Variants in CDH8 observed in about 807,000 individuals in gnomAD.
The protein encoded by CDH8 is cadherin-8.
CDH8 carries 17 observed loss-of-function variants against 68.1 expected under a neutral mutation model. That is an observed-to-expected ratio of 0.25 (90% confidence interval 0.17 to 0.37). The LOEUF (loss-of-function observed/expected upper bound fraction) is 0.37, where lower values mean the gene tolerates loss of function less well. Among genes scored for constraint, CDH8 ranks in the 10% least tolerant of loss-of-function variants. CDH8 has a pLI of 1.00. For missense variants in CDH8, 763 were observed against 999.3 expected, an observed-to-expected ratio of 0.76 and a Z score of 3.19; for synonymous variants, 372 against 365.1, an observed-to-expected ratio of 1.02 and a Z score of -0.21.
Position 61,649,715 on chromosome 16 carries a change from G to T in CDH8, c.*3893C>A, listed in dbSNP as rs1963277958. 1.3e-5 allele frequency: 2 copies of T among 152,024 alleles called. No homozygotes were observed. Among genetic ancestry groups the T allele is most frequent in the African/African-American group, 4.8e-5 (2 of 41,418 alleles). 9.4% of individuals were successfully genotyped at this position (152,024 alleles called of 1,614,324 possible). A position where few individuals can be genotyped will look rare whatever the true frequency, so the allele number is the denominator to read the frequency against. ...TCGTGAGATTCCCTGCAAAGCCAGTGATCGCATAATACAACTTGTTGGAAG... is the reference window on the plus strand; with the variant it reads ...TCGTGAGATTCCCTGCAAAGCCAGTTATCGCATAATACAACTTGTTGGAAG... On this transcript the variant is annotated 3_prime_UTR_variant, in exon 12 of 12. Coordinates refer to ENST00000577390, the MANE Select transcript of CDH8 (RefSeq NM_001796.5).
At chr16:62,031,795 G>A (rs1273730141) in intron 1 of CDH8, among the ~76,000 whole-genome samples, 1 of 151,960 alleles carries the variant, frequency 6.6e-6, no homozygotes, top group Non-Finnish European at 1.5e-5. Context: ...ATAAGAAAAA[G>A]AAACAGTATT....
At chr16:61,909,300 T>G (rs1964120400) in intron 2 of CDH8, among the ~76,000 whole-genome samples, 1 of 152,138 alleles carries the variant, frequency 6.6e-6, no homozygotes, top group African/African-American at 2.4e-5. Flanking sequence ...TGTGGACACC[T>G]GGAAAAAAGT....
At chr16:61,911,967 C>T (rs1964170007) in intron 2 of CDH8, among the ~76,000 whole-genome samples, 1 of 152,088 alleles carries the variant, frequency 6.6e-6, no homozygotes, top group African/African-American at 2.4e-5. Context: ...TATATCAGTG[C>T]TCTTTATGTT....
At chr16:62,004,726 A>G (rs1965945423) in intron 2 of CDH8, among the ~76,000 whole-genome samples, 1 of 152,244 alleles carries the variant, frequency 6.6e-6, no homozygotes, top group African/African-American at 2.4e-5. Context: ...TATACTTTAA[A>G]TAGTAAATTG....
At chr16:61,861,878 GCTTA>G (rs1963156558) in intron 3 of CDH8, among the ~76,000 whole-genome samples, 1 of 152,120 alleles carries the variant, frequency 6.6e-6, no homozygotes, top group East Asian at 1.9e-4. Context: ...GACACTACGA[GCTTA>G]CTGTCACTAT....
chr16:61,820,403 T>C (rs1303606024), intron 6 of CDH8, among the ~76,000 whole-genome samples: 2 of 146,354 alleles, frequency 1.4e-5, no homozygotes, highest in African/African-American at 2.6e-5. Context: ...TTGGGGAAGA[T>C]ATTTCAGGAA....
intron 8 of CDH8, among the ~76,000 whole-genome samples, chr16:61,781,936 G>A (rs1202561632): frequency 6.6e-6 from 1 of 152,184 alleles, no homozygotes. Flanking sequence ...GAAGAAAATA[G>A]TACTCCTAAG....
chr16:61,741,669 C>T (rs1037333912), intron 8 of CDH8, among the ~76,000 whole-genome samples: 2 of 152,080 alleles, frequency 1.3e-5, no homozygotes, highest in Admixed American at 1.3e-4. Context: ...TGAGCATTTT[C>T]TCTGCAGGCC....
chr16:61,894,282 C>T (rs930220282), intron 3 of CDH8, among the ~76,000 whole-genome samples: 12 of 152,130 alleles, frequency 7.9e-5, no homozygotes, highest in African/African-American at 2.9e-4. Flanking sequence ...AACAATTGTT[C>T]CACGGTCAGG....
chr16:61,898,467 T>C (rs764326361), intron 3 of CDH8, among the ~76,000 whole-genome samples: 3 of 152,138 alleles, frequency 2.0e-5, no homozygotes, highest in Admixed American at 6.5e-5. Context: ...AAAGTCATAT[T>C]GTAGGTAGGT....
chr16:61,871,814 GCAAAAAAAAAA>G (rs1567508569), intron 3 of CDH8, among the ~76,000 whole-genome samples: 1 of 18,818 alleles, frequency 5.3e-5, no homozygotes, highest in African/African-American at 1.9e-4. Flanking sequence ...TGTTCTATAT[GCAAAAAAAAAA>G]AAAAAAAAAA....
At chr16:61,886,376 T>C (rs1348170571) in intron 3 of CDH8, among the ~76,000 whole-genome samples, 2 of 152,248 alleles carry the variant, frequency 1.3e-5, no homozygotes, top group Non-Finnish European at 2.9e-5. Context: ...GGAAGAAAGA[T>C]GCTTTTATAT....
intron 7 of CDH8, among the ~76,000 whole-genome samples, chr16:61,808,486 C>T (rs1961857162): frequency 1.3e-5 from 2 of 152,148 alleles, no homozygotes; most frequent in Non-Finnish European, 1.5e-5. Context: ...AAAAGCTAGG[C>T]TGAGGAAGCC....
chr16:61,916,016 A>G (rs1964232991), intron 2 of CDH8, among the ~76,000 whole-genome samples: 2 of 152,212 alleles, frequency 1.3e-5, no homozygotes, highest in Non-Finnish European at 2.9e-5. Flanking sequence ...AAATACACAG[A>G]TAAAACCTTT....
rs1454989115 is a variant in CDH8, at chr16:61,813,130, TC to T, written c.1277+4348del. On this transcript the variant is annotated intron_variant, in intron 7 of 11. Coordinates refer to ENST00000577390, the MANE Select transcript of CDH8 (RefSeq NM_001796.5). ...TCACAGCATTTATACTCTGGTTAAT[TC>T]CACAGATTTGGTTTATTTTTCTTCT... Among the ~76,000 whole-genome samples, 3 of 152,288 alleles carry T rather than the reference TC, an allele frequency of 2.0e-5. No individual in the cohort carries two copies. The East Asian group carries it at 5.8e-4, about 29-fold the overall frequency.
chr16:61,858,698 G>A (rs1199902027), intron 3 of CDH8, among the ~76,000 whole-genome samples: 1 of 152,276 alleles, frequency 6.6e-6, no homozygotes, highest in East Asian at 1.9e-4. Flanking sequence ...CTGGACAGAA[G>A]CATCTGGGAT....
rs143986430 is a variant in CDH8, at chr16:61,674,040, T to C, written c.1655-18319A>G. Among the ~76,000 whole-genome samples, 677 of 152,232 alleles carry C rather than the reference T, an allele frequency of 4.4e-3. 8 individuals carry two copies. The highest frequency in any genetic ancestry group is 0.027 in the South Asian group (128 of 4,826). On this transcript the variant is annotated intron_variant, in intron 10 of 11. Coordinates refer to ENST00000577390, the MANE Select transcript of CDH8 (RefSeq NM_001796.5). ...TGTTGAATGACTACTGTGACTATCA[T>C]AGGGTTGGAAACACTTGAGGTTTGA... is the stretch of plus-strand genomic sequence containing the variant.
intron 2 of CDH8, among the ~76,000 whole-genome samples, chr16:61,959,984 G>GTCTATATATATA (rs1385952323): frequency 2.2e-5 from 1 of 44,556 alleles, no homozygotes; most frequent in Non-Finnish European, 4.0e-5. Context: ...GTGTGTGTGT[G>GTCTATATATATA]TATATATATA....
chr16:61,986,920 C>G (rs940038188), intron 2 of CDH8, among the ~76,000 whole-genome samples: 1 of 152,180 alleles, frequency 6.6e-6, no homozygotes, highest in Non-Finnish European at 1.5e-5. Context: ...ACTGACTCTT[C>G]AGATACAAAC....
Sources: gnomAD v4.1 joint callset for allele counts (sites outside exome capture counted in the v4.1 genomes callset) on GRCh38, gnomAD v4.1.1 for gene constraint, MANE v1.5 for transcripts, NCBI Gene and HGNC (gene_info 2026-07-23, HGNC 2026-07-21) for gene names.